The following FRMD6 variants were observed in gnomAD, a reference collection of about 807,000 sequenced individuals.
FRMD6 encodes FERM domain containing 6.
A neutral mutation model predicts 73.2 loss-of-function variants in FRMD6; 37 were observed. The observed-to-expected ratio is 0.51, with a 90% CI of 0.39 to 0.66. The LOEUF is 0.66. Ranked by LOEUF, FRMD6 falls within the 30% of genes least tolerant of loss-of-function variation. FRMD6 has a pLI of 0.00. For missense variants in FRMD6, 714 were observed against 780.5 expected (o/e 0.91, Z 1.02); for synonymous variants, 273 against 282.2 (o/e 0.97, Z 0.33).
chr14:51,442,886 CAG>C, the FRMD6 span, among the ~76,000 whole-genome samples: 1 of 152,176 alleles, frequency 6.6e-6, no homozygotes, highest in Non-Finnish European at 1.5e-5. Flanking sequence ...AGAAAACAAA[CAG>C]AGTGACGTAC....
At chr14:51,436,321 TAAC>T in the FRMD6 span, 2 of 378,210 alleles carry the variant, frequency 5.3e-6, no homozygotes, top group Non-Finnish European at 1.0e-5. Flanking sequence ...GATTTTTGGG[TAAC>T]AACATTTGTT....
At chr14:51,690,205 G>A (rs754809899) in intron 2 of FRMD6, among the ~76,000 whole-genome samples, 7 of 152,172 alleles carry the variant, frequency 4.6e-5, no homozygotes, top group Non-Finnish European at 8.8e-5. Context: ...ACTTTTGATC[G>A]AAATATAACT....
chr14:51,670,797 C>A (rs1893950932), intron 1 of FRMD6, among the ~76,000 whole-genome samples: 1 of 152,028 alleles, frequency 6.6e-6, no homozygotes, highest in Admixed American at 6.5e-5. Context: ...AGGCGCACAC[C>A]ACCACTCCCG....
intron 2 of FRMD6, among the ~76,000 whole-genome samples, chr14:51,636,067 A>G (rs1891543034): frequency 6.6e-6 from 1 of 152,216 alleles, no homozygotes; most frequent in Non-Finnish European, 1.5e-5. Context: ...TCAGTTTCTT[A>G]GGGAGAAACA....
intron 1 of FRMD6, among the ~76,000 whole-genome samples, chr14:51,515,240 G>A (rs1410052568): frequency 3.9e-5 from 6 of 152,184 alleles, no homozygotes; most frequent in Middle Eastern, 3.2e-3. Flanking sequence ...TACCAAGATC[G>A]TAGTTCTGCC....
intron 1 of FRMD6, among the ~76,000 whole-genome samples, chr14:51,561,157 TG>T (rs922086503): frequency 2.0e-5 from 3 of 152,174 alleles, no homozygotes; most frequent in African/African-American, 7.2e-5. Context: ...GAAGTCTTTC[TG>T]TAGGAGGCAG....
At position 51,712,874 on chromosome 14, in the gene FRMD6, G is replaced by A. The variant is rs557965030; in HGVS notation, c.849+323G>A. Among the ~76,000 whole-genome samples the A allele has an allele frequency of 5.9e-3, 892 of 152,244 alleles. 12 individuals are homozygous for A. Among genetic ancestry groups the A allele is most frequent in the African/African-American group, 0.021 (853 of 41,550 alleles). ...TTATTCTAGTTGCAGAAGGTATTTCGCGTAGAGGTTAGCCAGTTCTTTTGA... is the reference window on the plus strand; with the variant it reads ...TTATTCTAGTTGCAGAAGGTATTTCACGTAGAGGTTAGCCAGTTCTTTTGA... On this transcript the variant is annotated intron_variant, in intron 9 of 13. Transcript: ENST00000344768.
At chr14:51,543,608 G>T (rs1454719233) in intron 1 of FRMD6, among the ~76,000 whole-genome samples, 1 of 151,962 alleles carries the variant, frequency 6.6e-6, no homozygotes. Flanking sequence ...CCTGATCTCT[G>T]TACTCATGGT....
intron 1 of FRMD6, among the ~76,000 whole-genome samples, chr14:51,558,730 T>C (rs888367336): frequency 6.6e-5 from 10 of 152,192 alleles, no homozygotes; most frequent in Non-Finnish European, 2.9e-5. Context: ...TGTGGTAACA[T>C]AGTAGCCCTT....
At chr14:51,497,779 C>G (rs1883389891) in intron 1 of FRMD6, among the ~76,000 whole-genome samples, 1 of 152,152 alleles carries the variant, frequency 6.6e-6, no homozygotes, top group Non-Finnish European at 1.5e-5. Flanking sequence ...ATTTCAAGTG[C>G]CCAGTAGCTA....
At chr14:51,684,636 G>T (rs1895027715) in intron 1 of FRMD6, among the ~76,000 whole-genome samples, 1 of 152,112 alleles carries the variant, frequency 6.6e-6, no homozygotes, top group Admixed American at 6.6e-5. Flanking sequence ...ATTTGGGATT[G>T]TTACAACTGA....
At chr14:51,697,632 G>A (rs1160281674) in intron 2 of FRMD6, among the ~76,000 whole-genome samples, 1 of 152,000 alleles carries the variant, frequency 6.6e-6, no homozygotes, top group Non-Finnish European at 1.5e-5. Flanking sequence ...TAAATTTTAA[G>A]TGTTCTCACC....
chr14:51,721,494 C>T (rs1330522679), intron 11 of FRMD6, among the ~76,000 whole-genome samples: 1 of 152,132 alleles, frequency 6.6e-6, no homozygotes, highest in African/African-American at 2.4e-5. Flanking sequence ...TCTTCAGTCC[C>T]AGCTACTCGG....
chr14:51,698,215 G>T lies in FRMD6; in HGVS notation c.173G>T (p.Gly58Val). 6.2e-7 allele frequency: 1 copy of T among 1,611,672 alleles called. No individual in the cohort carries two copies. The highest frequency in any genetic ancestry group is 1.1e-5 in the South Asian group (1 of 90,932). The change falls in exon 3 of 14, where the codon GGA becomes GTA. Residue 58 changes from glycine (G) to valine (V), a missense_variant. Gly to Val is a moderately radical substitution (Grantham distance 109). Coordinates refer to ENST00000344768, the MANE Select transcript of FRMD6 (RefSeq NM_001267046.2). Reference protein sequence around the residue: ...LLRLKDCHLFGLSVIQNNEHV... With the variant: ...LLRLKDCHLFVLSVIQNNEHV... Reference sequence around the variant, plus strand: ...AGGCTAAAGGACTGCCACCTCTTTGGACTCAGTGTTATACAAAGTAAGTCT... The same window carrying T: ...AGGCTAAAGGACTGCCACCTCTTTGTACTCAGTGTTATACAAAGTAAGTCT...
the FRMD6 span, among the ~76,000 whole-genome samples, chr14:51,470,558 A>G: frequency 6.6e-6 from 1 of 151,352 alleles, no homozygotes; most frequent in African/African-American, 2.4e-5. Context: ...TTATCTATCT[A>G]TTGTCTGTCT....
At chr14:51,542,025 G>A (rs541242459) in intron 1 of FRMD6, among the ~76,000 whole-genome samples, 1 of 152,058 alleles carries the variant, frequency 6.6e-6, no homozygotes, top group East Asian at 1.9e-4. Flanking sequence ...AATACCACCT[G>A]CATCACGTTA....
At chr14:51,631,743 T>C (rs1216145244) in intron 2 of FRMD6, among the ~76,000 whole-genome samples, 2 of 152,220 alleles carry the variant, frequency 1.3e-5, no homozygotes, top group African/African-American at 4.8e-5. Flanking sequence ...CAGTAGATTT[T>C]ACTCAGCTCG....
intron 2 of FRMD6, among the ~76,000 whole-genome samples, chr14:51,691,588 ATTTT>A (rs758677611): frequency 0.047 from 3,512 of 74,974 alleles, 32 homozygotes; most frequent in Non-Finnish European, 0.064. Context: ...TTTGATTTTG[ATTTT>A]TTTTTTTTTT....
chr14:51,526,416 C>T (rs1885260474), intron 1 of FRMD6, among the ~76,000 whole-genome samples: 1 of 152,112 alleles, frequency 6.6e-6, no homozygotes, highest in Non-Finnish European at 1.5e-5. Context: ...TCAGGAGAAT[C>T]CCCCAATCAA....
Sources: allele counts gnomAD v4.1 joint callset (sites outside exome capture counted in the v4.1 genomes callset), GRCh38; gene constraint gnomAD v4.1.1; transcripts MANE v1.5; gene names NCBI Gene and HGNC (gene_info 2026-07-23, HGNC 2026-07-21).